HMCN1: variants seen among roughly 807,000 people sequenced by gnomAD.
The protein encoded by HMCN1 is hemicentin-1.
HMCN1 carries 321 observed loss-of-function variants against 625.9 expected under a neutral mutation model. The ratio of observed to expected loss-of-function variants is 0.51; its 90% confidence interval spans 0.47 to 0.56. HMCN1 has a LOEUF of 0.56. Among genes scored for constraint, HMCN1 ranks in the 20% least tolerant of loss-of-function variants. HMCN1 has a pLI of 0.00. For missense variants in HMCN1, 6,588 were observed against 6,887.3 expected (o/e 0.96, Z 1.54); for synonymous variants, 2,425 against 2,417.6 (o/e 1.00, Z -0.09).
intron 1 of HMCN1, among the ~76,000 whole-genome samples, chr1:185,739,492 A>G (rs573526298): frequency 6.6e-6 from 1 of 152,280 alleles, no homozygotes; most frequent in East Asian, 1.9e-4. Context: ...TAAGGCAGGT[A>G]CCAGAGACAG....
chr1:185,862,178 GAGATAGAA>G (rs1662914566), intron 2 of HMCN1, among the ~76,000 whole-genome samples: 1 of 150,988 alleles, frequency 6.6e-6, no homozygotes. Flanking sequence ...GGAGCAACAG[GAGATAGAA>G]AGATAGAAAG....
rs1652695579 is a variant in HMCN1, at chr1:185,995,075, C to T, written c.3766C>T (p.Leu1256=). Residue 1256 remains leucine, a synonymous_variant, in exon 24 of 107, where the codon CTA becomes TTA. Coordinates refer to ENST00000271588, the MANE Select transcript of HMCN1 (RefSeq NM_031935.3). ...AGGCACTGATGAAACAGAGATAACG[C>T]TACATGTCCAAGGTGATTCTTGACA... ...IAGTDETEIT[L]HVQEPPTVED... 1 of 1,613,420 alleles carries T rather than the reference C, an allele frequency of 6.2e-7. No homozygotes were observed. Among genetic ancestry groups the T allele is most frequent in the Admixed American group, 1.7e-5 (1 of 59,954 alleles).
chr1:185,909,376 G>A lies in HMCN1; in HGVS notation c.661G>A (p.Val221Ile). ...WVEEAVQASKVHLLSTDHLEQ... is the reference protein window; with the variant it reads ...WVEEAVQASKIHLLSTDHLEQ... ...AGAAGAAGCAGTACAGGCCTCCAAA[G>A]TTCACCTTTTATCCACAGATCATTT... The change falls in exon 5 of 107, where the codon GTT (valine) becomes ATT (isoleucine). Residue 221 changes from valine to isoleucine, a missense_variant. Val to Ile is a conservative substitution (Grantham distance 29, BLOSUM62 3). Transcript: ENST00000271588. 1.2e-6 allele frequency: 2 copies of A among 1,613,148 alleles called. No individual in the cohort carries two copies. Among genetic ancestry groups the A allele is most frequent in the African/African-American group, 2.7e-5 (2 of 74,984 alleles).
chr1:185,841,980 A>C (rs1356652580), intron 1 of HMCN1, among the ~76,000 whole-genome samples: 3 of 152,256 alleles, frequency 2.0e-5, no homozygotes, highest in Non-Finnish European at 2.9e-5. Flanking sequence ...AATCAGTATG[A>C]ATAAATAACT....
At chr1:185,988,684 A>G (rs549294122) in intron 20 of HMCN1, among the ~76,000 whole-genome samples, 4 of 152,334 alleles carry the variant, frequency 2.6e-5, no homozygotes, top group South Asian at 4.1e-4. Context: ...CAGAGTAGTT[A>G]AGAACTTGGG....
In HMCN1 at chr1:186,070,902, CTT is replaced by C. The variant is rs1396492667; in HGVS notation, c.8139+146_8139+147del. Reference sequence around the variant, plus strand: ...AATGCCATGCTCCTAGAATCTAAAACTTAAAAAAAAAACCCAACCAACCTGAA... The same window carrying C: ...AATGCCATGCTCCTAGAATCTAAAACAAAAAAAAAACCCAACCAACCTGAA... On this transcript the variant is annotated intron_variant, in intron 52 of 106. Coordinates refer to ENST00000271588, the MANE Select transcript of HMCN1 (RefSeq NM_031935.3). 7 of 835,944 alleles carry C rather than the reference CTT, an allele frequency of 8.4e-6. No individual in the cohort carries two copies. In the East Asian group the frequency reaches 1.6e-4, roughly 19 times the overall value. 51.8% of individuals were successfully genotyped at this position (835,944 alleles called of 1,614,324 possible).
intron 25 of HMCN1, among the ~76,000 whole-genome samples, chr1:185,997,852 C>T (rs895794282): frequency 1.5e-4 from 22 of 149,706 alleles, no homozygotes; most frequent in African/African-American, 5.2e-4. Context: ...AATGTGATAG[C>T]TGGAGCTATT....
intron 1 of HMCN1, among the ~76,000 whole-genome samples, chr1:185,780,159 G>T (rs1656958374): frequency 1.3e-5 from 2 of 152,132 alleles, no homozygotes; most frequent in African/African-American, 4.8e-5. Context: ...GTCTGTTATT[G>T]GTGTATAAGA....
At chr1:186,144,838 C>A in intron 91 of HMCN1, 135 bp downstream of exon 91, 2 of 1,017,344 alleles carry the variant, frequency 2.0e-6, no homozygotes, top group Non-Finnish European at 3.0e-6. Flanking sequence ...TGTAAGGTTG[C>A]TGTCATGTCT....
chr1:185,902,662 A>G (rs1665882955), intron 4 of HMCN1, among the ~76,000 whole-genome samples: 1 of 151,636 alleles, frequency 6.6e-6, no homozygotes, highest in Non-Finnish European at 1.5e-5. Context: ...AGTAACCTGT[A>G]ATATCAATAA....
chr1:186,088,972 C>A (rs984200390), intron 63 of HMCN1, among the ~76,000 whole-genome samples: 34 of 151,908 alleles, frequency 2.2e-4, no homozygotes, highest in Admixed American at 6.6e-5. Flanking sequence ...ATTTGGTAAT[C>A]TCTACTTTTT....
rs1373951723 is a variant in HMCN1, at chr1:186,187,899, G to A, written c.16431G>A (p.Leu5477=). 3 of 1,613,744 alleles carry A rather than the reference G, an allele frequency of 1.9e-6. No homozygotes were observed. Among genetic ancestry groups the A allele is most frequent in the Admixed American group, 1.7e-5 (1 of 59,994 alleles). ...TGTCCCTAGATATCGATGAATGTCT[G>A]GAGCAGAATGTGCACTGTGGACCCA... The part of the protein sequence containing the change: ...GKTCQDIDEC[L]EQNVHCGPNR... The change falls in exon 106 of 107, where the codon CTG becomes CTA. Residue 5477 remains leucine, a synonymous_variant. Coordinates refer to ENST00000271588, the MANE Select transcript of HMCN1 (RefSeq NM_031935.3).
chr1:186,118,461 A>C (rs542172739), intron 77 of HMCN1, among the ~76,000 whole-genome samples: 1 of 152,354 alleles, frequency 6.6e-6, no homozygotes, highest in South Asian at 2.1e-4. Flanking sequence ...AAAACAATTT[A>C]GAACTTTCAA....
At chr1:185,853,261 C>T (rs569018248) in intron 2 of HMCN1, among the ~76,000 whole-genome samples, 1 of 152,164 alleles carries the variant, frequency 6.6e-6, no homozygotes, top group South Asian at 2.1e-4. Context: ...GTAACTGGCC[C>T]ACCAAAAATT....
At chr1:185,836,611 G>A (rs1167611883) in intron 1 of HMCN1, among the ~76,000 whole-genome samples, 2 of 152,052 alleles carry the variant, frequency 1.3e-5, no homozygotes, top group Non-Finnish European at 2.9e-5. Flanking sequence ...AACAAAGAGC[G>A]AAATGACTTT....
intron 30 of HMCN1, among the ~76,000 whole-genome samples, chr1:186,009,845 T>C (rs1382767672): frequency 6.6e-6 from 1 of 151,960 alleles, no homozygotes; most frequent in Admixed American, 6.6e-5. Flanking sequence ...CACAGATGAG[T>C]TTTGGAGGTT....
intron 7 of HMCN1, 115 bp from the exon 8 acceptor site, chr1:185,923,275 A>G (rs1388833435): frequency 1.2e-6 from 1 of 825,728 alleles, no homozygotes; most frequent in Non-Finnish European, 2.0e-6. Context: ...CAACTGATCC[A>G]GAAATTGTAG....
At chr1:186,063,066 G>GAATATATATATATATATATA (rs1491400415) in intron 48 of HMCN1, among the ~76,000 whole-genome samples, 1 of 29,942 alleles carries the variant, frequency 3.3e-5, no homozygotes, top group Non-Finnish European at 6.0e-5. Flanking sequence ...GTGTGTGTGT[G>GAATATATATATATATATATA]CATATATATA....
chr1:186,052,852 C>T, intron 42 of HMCN1, 100 bp from the exon 43 acceptor site: 1 of 1,006,884 alleles, frequency 9.9e-7, no homozygotes, highest in Non-Finnish European at 1.6e-6. Flanking sequence ...ACAATTTCTT[C>T]CTTATGTCAT....
Sources: gnomAD v4.1 joint callset for allele counts (sites outside exome capture counted in the v4.1 genomes callset) on GRCh38, gnomAD v4.1.1 for gene constraint, MANE v1.5 for transcripts, NCBI Gene and HGNC (gene_info 2026-07-23, HGNC 2026-07-21) for gene names.